Variants in EPHB2 observed in about 807,000 individuals in gnomAD.
EPHB2 encodes ephrin type-B receptor 2.
EPHB2 carries 18 observed loss-of-function variants against 96.4 expected under a neutral mutation model. The ratio of observed to expected loss-of-function variants is 0.19; its 90% CI spans 0.13 to 0.28. The LOEUF is 0.28. Ranked by LOEUF, EPHB2 falls within the 10% of genes least tolerant of loss-of-function variation. The pLI is 1.00. For synonymous variants in EPHB2, 506 were observed against 534.1 expected (o/e 0.95, Z 0.72); for missense variants, 989 against 1,355.4 (o/e 0.73, Z 4.25).
chr1:22,847,024 G>A (rs1248229661), intron 3 of EPHB2, among the ~76,000 whole-genome samples: 2 of 152,324 alleles, frequency 1.3e-5, no homozygotes, highest in East Asian at 3.9e-4. Context: ...GGCCTCAGAT[G>A]TAATGCTCCC....
intron 1 of EPHB2, among the ~76,000 whole-genome samples, chr1:22,736,862 C>T (rs1266486959): frequency 6.6e-6 from 1 of 152,168 alleles, no homozygotes; most frequent in Non-Finnish European, 1.5e-5. Context: ...CAGCCGGCCC[C>T]CTCCCTGTCA....
In EPHB2 at chr1:22,860,691, C is replaced by A. The variant is rs905337349; in HGVS notation, c.812-2346C>A. Among the ~76,000 whole-genome samples the A allele has an allele frequency of 7.2e-5, 11 of 152,112 alleles. No individual in the cohort carries two copies. The highest frequency in any genetic ancestry group is 2.4e-4 in the African/African-American group (10 of 41,410). On this transcript the variant is annotated intron_variant, in intron 3 of 15. Transcript: ENST00000374630. This position sits in a 1 kb window ranked among gnomAD's most constrained non-coding sequence, Gnocchi z 4.6. Reference sequence around the variant, plus strand: ...GTCTCCAGAGAGGGAGCAGGAGGAGCCTGATCTTGGGGCCAAAACCCTTTG... The same window carrying A: ...GTCTCCAGAGAGGGAGCAGGAGGAGACTGATCTTGGGGCCAAAACCCTTTG...
At chr1:22,782,849 C>G (rs1409931044) in intron 2 of EPHB2, among the ~76,000 whole-genome samples, 1 of 152,216 alleles carries the variant, frequency 6.6e-6, no homozygotes, top group African/African-American at 2.4e-5. Context: ...CAGTCAGCTC[C>G]AGACCTGCCC....
chr1:22,876,933 C>T (rs1240870206), intron 5 of EPHB2, among the ~76,000 whole-genome samples: 2 of 152,234 alleles, frequency 1.3e-5, no homozygotes, highest in African/African-American at 4.8e-5. Flanking sequence ...CCCAAGCCTG[C>T]CAGCTACGCC....
intron 1 of EPHB2, among the ~76,000 whole-genome samples, chr1:22,772,688 G>C (rs189935848): frequency 6.6e-5 from 10 of 152,320 alleles, no homozygotes; most frequent in Admixed American, 2.0e-4. Flanking sequence ...GGCTGGCCTG[G>C]GTTCAAATCT....
At chr1:22,713,992 G>A (rs968937939) in intron 1 of EPHB2, among the ~76,000 whole-genome samples, 5 of 152,218 alleles carry the variant, frequency 3.3e-5, no homozygotes, top group Non-Finnish European at 7.3e-5. Context: ...ACAGGAGGCC[G>A]GTGGCAGACC....
chr1:22,786,444 G>A (rs910075609), intron 3 of EPHB2, among the ~76,000 whole-genome samples: 1 of 152,182 alleles, frequency 6.6e-6, no homozygotes, highest in Non-Finnish European at 1.5e-5. Context: ...CAGATGCCAG[G>A]TTAAAGGTTT....
intron 1 of EPHB2, among the ~76,000 whole-genome samples, chr1:22,731,268 G>T (rs2148351863): frequency 6.6e-6 from 1 of 152,298 alleles, no homozygotes; most frequent in South Asian, 2.1e-4. Flanking sequence ...AGAAGAGCCT[G>T]GCCCGGGCCC....
intron 6 of EPHB2, among the ~76,000 whole-genome samples, chr1:22,891,620 A>G (rs1639390849): frequency 6.6e-6 from 1 of 152,216 alleles, no homozygotes; most frequent in Admixed American, 6.5e-5. Context: ...CTCCCACTGC[A>G]GCAGCTGGAT....
chr1:22,766,114 C>T (rs879317888), intron 1 of EPHB2, among the ~76,000 whole-genome samples: 2 of 152,214 alleles, frequency 1.3e-5, no homozygotes, highest in East Asian at 1.9e-4. Flanking sequence ...CACTCCCTCC[C>T]AGGCCCAGCA....
intron 3 of EPHB2, among the ~76,000 whole-genome samples, chr1:22,822,517 G>A (rs1183191216): frequency 1.3e-5 from 2 of 152,242 alleles, no homozygotes. Flanking sequence ...GTGATTTGAA[G>A]CCAGGTCTTT....
At position 22,860,067 on chromosome 1, in the gene EPHB2, G is replaced by T. The variant is rs1253662851; in HGVS notation, c.812-2970G>T. Among the ~76,000 whole-genome samples the T allele has an allele frequency of 1.3e-5, 2 of 152,164 alleles. No homozygotes were observed. Among genetic ancestry groups the T allele is most frequent in the Non-Finnish European group, 2.9e-5 (2 of 68,036 alleles). ...TTTCACTGAGCACGATGTGTCCAGG[G>T]TTCACCTGTACCGTAGCATGTGTCA... On this transcript the variant is annotated intron_variant, in intron 3 of 15. Transcript: ENST00000374630. The surrounding 1 kb of genome is among the most constrained non-coding windows in gnomAD (Gnocchi z 4.6).
At chr1:22,793,570 C>T (rs1179607126) in intron 3 of EPHB2, among the ~76,000 whole-genome samples, 1 of 152,068 alleles carries the variant, frequency 6.6e-6, no homozygotes, top group Non-Finnish European at 1.5e-5. Context: ...GTGCAGCCAT[C>T]CAGGGAAGAG....
intron 5 of EPHB2, among the ~76,000 whole-genome samples, chr1:22,880,312 G>T (rs1638994624): frequency 6.6e-6 from 1 of 152,194 alleles, no homozygotes; most frequent in African/African-American, 2.4e-5. Context: ...TACCAGGCCT[G>T]CTCCACACTC....
Position 22,914,039 on chromosome 1 carries a change from T to C in EPHB2, c.*469T>C, listed in dbSNP as rs1474990923. On this transcript the variant is annotated 3_prime_UTR_variant, in exon 16 of 16. Coordinates refer to ENST00000374630, the MANE Select transcript of EPHB2 (RefSeq NM_017449.5). ...TTGGCTCCTGTCCCTGCTGCTCCTCTAGGCCTCACTCAACAACCAAGCGCC... is the reference window on the plus strand; with the variant it reads ...TTGGCTCCTGTCCCTGCTGCTCCTCCAGGCCTCACTCAACAACCAAGCGCC... 1 of 860,132 alleles carries C rather than the reference T, an allele frequency of 1.2e-6. No individual in the cohort carries two copies. Among genetic ancestry groups the C allele is most frequent in the East Asian group, 2.7e-5 (1 of 36,856 alleles). The allele number at this position is 860,132 out of a possible 1,614,324, so 53.3% of individuals were successfully genotyped here. A position where few individuals can be genotyped will look rare whatever the true frequency, so the allele number is the denominator to read the frequency against.
At chr1:22,834,851 C>T (rs1236675960) in intron 3 of EPHB2, among the ~76,000 whole-genome samples, 1 of 150,780 alleles carries the variant, frequency 6.6e-6, no homozygotes, top group South Asian at 2.1e-4. Flanking sequence ...CTTGAACCAG[C>T]GAGGCAGAGG....
At chr1:22,717,757 GAA>G (rs1643330370) in intron 1 of EPHB2, among the ~76,000 whole-genome samples, 2 of 152,192 alleles carry the variant, frequency 1.3e-5, no homozygotes, top group Non-Finnish European at 2.9e-5. Flanking sequence ...CCCTTTCTCT[GAA>G]GTCCTACAGA....
chr1:22,766,420 T>C (rs1027263259), intron 1 of EPHB2, among the ~76,000 whole-genome samples: 13 of 152,220 alleles, frequency 8.5e-5, no homozygotes, highest in African/African-American at 3.1e-4. Context: ...CTCCAGAGGT[T>C]TCTTTGGGAG....
intron 3 of EPHB2, among the ~76,000 whole-genome samples, chr1:22,856,617 G>A (rs1369692610): frequency 4.6e-5 from 7 of 152,156 alleles, no homozygotes; most frequent in Non-Finnish European, 7.3e-5. Flanking sequence ...GAAGATCTGA[G>A]GTCAACCCCA....
Sources: gnomAD v4.1 joint callset for allele counts (sites outside exome capture counted in the v4.1 genomes callset) on GRCh38, gnomAD v4.1.1 for gene constraint, Gnocchi (gnomAD v3.1) non-coding constraint, MANE v1.5 for transcripts, NCBI Gene and HGNC (gene_info 2026-07-23, HGNC 2026-07-21) for gene names.